The following KLHL32 variants were observed in gnomAD, a reference collection of about 807,000 sequenced individuals.
KLHL32 encodes the protein kelch-like protein 32.
In KLHL32, 35 loss-of-function variants were observed where a neutral mutation model predicts 64.8. The ratio of observed to expected loss-of-function variants is 0.54; its 90% CI spans 0.41 to 0.72. KLHL32 has a LOEUF of 0.72. Among genes scored for constraint, KLHL32 ranks in the 30% least tolerant of loss-of-function variants. KLHL32 has a pLI of 0.00. For synonymous variants in KLHL32, 259 were observed against 281.0 expected (o/e 0.92, Z 0.78); for missense variants, 589 against 768.5 (o/e 0.77, Z 2.76).
intron 3 of KLHL32, among the ~76,000 whole-genome samples, chr6:97,039,338 A>T (rs1443235671): frequency 6.6e-6 from 1 of 152,164 alleles, no homozygotes; most frequent in African/African-American, 2.4e-5. Flanking sequence ...AAAAAAAGTG[A>T]ATCTCATGAA....
intron 6 of KLHL32, among the ~76,000 whole-genome samples, chr6:97,088,278 C>T (rs1793730474): frequency 6.6e-6 from 1 of 152,056 alleles, no homozygotes. Context: ...TTATCAGGTT[C>T]CAGATGAAAG....
At chr6:96,985,938 G>T (rs1776997879) in intron 3 of KLHL32, among the ~76,000 whole-genome samples, 1 of 152,184 alleles carries the variant, frequency 6.6e-6, no homozygotes, top group Admixed American at 6.5e-5. Flanking sequence ...TTTGGAGGAG[G>T]AGAGGTGCTC....
At chr6:96,910,387 A>G in the KLHL32 span, among the ~76,000 whole-genome samples, 1 of 152,180 alleles carries the variant, frequency 6.6e-6, no homozygotes, top group African/African-American at 2.4e-5. Flanking sequence ...TGGAGGAAAG[A>G]AGGGCTTGCT....
Position 97,020,004 on chromosome 6 carries a change from G to A in KLHL32, c.205-21488G>A, listed in dbSNP as rs188446875. On this transcript the variant is annotated intron_variant, in intron 3 of 10. Coordinates refer to ENST00000369261, the MANE Select transcript of KLHL32 (RefSeq NM_052904.4). ...GCTCTGTCGCCCAGGCTAGAGTGCAGCAATCTTGGCTCACTGCAACCTCTG... is the reference window on the plus strand; with the variant it reads ...GCTCTGTCGCCCAGGCTAGAGTGCAACAATCTTGGCTCACTGCAACCTCTG... 1.3e-3 allele frequency among the ~76,000 whole-genome samples: 196 copies of A among 149,242 alleles called. 1 individual carries two copies. Among genetic ancestry groups the A allele is most frequent in the African/African-American group, 4.7e-3 (188 of 40,392 alleles).
At chr6:97,028,212 C>T (rs902081325) in intron 3 of KLHL32, among the ~76,000 whole-genome samples, 2 of 151,882 alleles carry the variant, frequency 1.3e-5, no homozygotes, top group Admixed American at 6.6e-5. Flanking sequence ...GGGTAGGAGC[C>T]GAGATTCTAT....
At chr6:97,028,277 T>G (rs372185422) in intron 3 of KLHL32, among the ~76,000 whole-genome samples, 3 of 152,194 alleles carry the variant, frequency 2.0e-5, no homozygotes, top group East Asian at 3.9e-4. Flanking sequence ...GACCACACCT[T>G]AAGTAGGGAA....
chr6:96,992,443 A>G (rs1224280664), intron 3 of KLHL32, among the ~76,000 whole-genome samples: 1 of 152,198 alleles, frequency 6.6e-6, no homozygotes, highest in Non-Finnish European at 1.5e-5. Context: ...TGAAGAGCTA[A>G]TGTTTACTCA....
At chr6:97,069,723 TA>T (rs1790401986) in intron 5 of KLHL32, among the ~76,000 whole-genome samples, 1 of 152,174 alleles carries the variant, frequency 6.6e-6, no homozygotes, top group Non-Finnish European at 1.5e-5. Context: ...CTCTGCTTTT[TA>T]AATATTAAAA....
chr6:97,065,861 C>T (rs1789658568), intron 5 of KLHL32, among the ~76,000 whole-genome samples: 1 of 152,136 alleles, frequency 6.6e-6, no homozygotes, highest in African/African-American at 2.4e-5. Flanking sequence ...AAATAGGAAC[C>T]AGCACTTCCC....
At chr6:96,993,638 C>G (rs1045750709) in intron 3 of KLHL32, among the ~76,000 whole-genome samples, 9 of 152,166 alleles carry the variant, frequency 5.9e-5, no homozygotes, top group Non-Finnish European at 1.0e-4. Flanking sequence ...CAGGAACTAT[C>G]AAAATTCTGA....
chr6:97,088,002 A>C (rs552130185), intron 6 of KLHL32, among the ~76,000 whole-genome samples: 1 of 151,870 alleles, frequency 6.6e-6, no homozygotes, highest in Non-Finnish European at 1.5e-5. Context: ...TTTTTTTTCC[A>C]TCTGACCTTT....
chr6:97,107,267 T>G (rs1796545397), intron 6 of KLHL32, among the ~76,000 whole-genome samples: 1 of 149,276 alleles, frequency 6.7e-6, no homozygotes, highest in Non-Finnish European at 1.5e-5. Context: ...CAGTCCGGCC[T>G]GGGCGAAAGG....
At position 96,994,428 on chromosome 6, in the gene KLHL32, T is replaced by G. The variant is rs1207446818; in HGVS notation, c.204+18251T>G. On this transcript the variant is annotated intron_variant, in intron 3 of 10. Transcript: ENST00000369261. The stretch of plus-strand genomic sequence containing the variant: ...TACAAATTATTTATGTTTTTTTTCC[T>G]TTTAGTGTGATATGTTCAAGTTAAT... 6 of 872,568 alleles carry G rather than the reference T, an allele frequency of 6.9e-6. No homozygotes were observed. In the African/African-American group the frequency reaches 1.1e-4, roughly 16 times the overall value. 54.1% of individuals were successfully genotyped at this position (872,568 alleles called of 1,614,324 possible). A position where few individuals can be genotyped will look rare whatever the true frequency, so the allele number is the denominator to read the frequency against.
chr6:97,020,718 G>A (rs1264479549), intron 3 of KLHL32, among the ~76,000 whole-genome samples: 3 of 150,832 alleles, frequency 2.0e-5, no homozygotes, highest in Non-Finnish European at 2.9e-5. Flanking sequence ...TTTCCTCAAC[G>A]CATCAGCATC....
intron 3 of KLHL32, among the ~76,000 whole-genome samples, chr6:97,032,673 A>G (rs1458039820): frequency 6.7e-6 from 1 of 148,738 alleles, no homozygotes. Flanking sequence ...GGCAATTACA[A>G]CTTGGAAGAT....
At chr6:97,016,459 G>A (rs565110446) in intron 3 of KLHL32, among the ~76,000 whole-genome samples, 1 of 152,306 alleles carries the variant, frequency 6.6e-6, no homozygotes, top group South Asian at 2.1e-4. Context: ...TGGAACTGTA[G>A]CTCCTTTATT....
At chr6:97,012,470 T>C (rs1263964809) in intron 3 of KLHL32, among the ~76,000 whole-genome samples, 1 of 152,188 alleles carries the variant, frequency 6.6e-6, no homozygotes, top group Non-Finnish European at 1.5e-5. Context: ...CCAGAAGGAA[T>C]ACAGCCCTGC....
intron 3 of KLHL32, among the ~76,000 whole-genome samples, chr6:97,032,930 GC>G (rs1365350379): frequency 3.5e-5 from 5 of 144,150 alleles, no homozygotes; most frequent in African/African-American, 1.0e-4. Context: ...TTTCCTGTTA[GC>G]TTTTTTTTTT....
intron 2 of KLHL32, among the ~76,000 whole-genome samples, chr6:96,975,424 C>T (rs375287493): frequency 2.0e-5 from 3 of 152,172 alleles, no homozygotes; most frequent in African/African-American, 4.8e-5. Flanking sequence ...TAATAATAAG[C>T]TTCTCTGGTT....
Sources: allele counts gnomAD v4.1 joint callset (sites outside exome capture counted in the v4.1 genomes callset), GRCh38; gene constraint gnomAD v4.1.1; transcripts MANE v1.5; gene names NCBI Gene and HGNC (gene_info 2026-07-23, HGNC 2026-07-21).